The following RUNDC3B variants were observed in gnomAD, a reference collection of about 807,000 sequenced individuals.
RUNDC3B encodes RUN domain-containing protein 3B.
In RUNDC3B, 33 loss-of-function variants were observed where a neutral mutation model predicts 58.4. That is an observed-to-expected ratio of 0.56 (90% confidence interval 0.43 to 0.75). RUNDC3B has a LOEUF of 0.75. Ranked by LOEUF, RUNDC3B falls within the 30% of genes least tolerant of loss-of-function variation. RUNDC3B has a pLI of 0.00. For synonymous variants in RUNDC3B, 193 were observed against 195.2 expected (o/e 0.99, Z 0.10); for missense variants, 501 against 535.7 (o/e 0.94, Z 0.64).
intron 4 of RUNDC3B, among the ~76,000 whole-genome samples, chr7:87,719,156 A>G (rs1248738790): frequency 6.6e-6 from 1 of 151,972 alleles, no homozygotes; most frequent in Admixed American, 6.6e-5. Context: ...AACAATAACT[A>G]TAAAATACTA....
At chr7:87,733,738 CA>C (rs1299016922) in intron 4 of RUNDC3B, among the ~76,000 whole-genome samples, 1 of 152,102 alleles carries the variant, frequency 6.6e-6, no homozygotes, top group Non-Finnish European at 1.5e-5. Flanking sequence ...GTGCAGTTCA[CA>C]GTAGGGTTCT....
chr7:87,628,985 G>A, intron 1 of RUNDC3B, 40 bp downstream of exon 1: 3 of 1,303,284 alleles, frequency 2.3e-6, no homozygotes, highest in Non-Finnish European at 2.9e-6. Context: ...CCTCCCGCCG[G>A]GGCTGAGAGC....
chr7:87,827,943 A>G (rs1200857616), intron 10 of RUNDC3B, among the ~76,000 whole-genome samples: 1 of 152,196 alleles, frequency 6.6e-6, no homozygotes, highest in African/African-American at 2.4e-5. Flanking sequence ...GTTTGAGCCC[A>G]GGAGTTCCTG....
intron 6 of RUNDC3B, among the ~76,000 whole-genome samples, chr7:87,747,716 G>A (rs1202100695): frequency 6.6e-6 from 1 of 152,102 alleles, no homozygotes; most frequent in Non-Finnish European, 1.5e-5. Context: ...GTACCTAGGA[G>A]GATTATGGCT....
intron 9 of RUNDC3B, among the ~76,000 whole-genome samples, chr7:87,809,051 G>A (rs923793717): frequency 2.6e-5 from 4 of 152,094 alleles, no homozygotes; most frequent in African/African-American, 9.7e-5. Flanking sequence ...TATCTATTGA[G>A]GAGCCAGTAA....
chr7:87,816,119 G>C, intron 9 of RUNDC3B, 22 bp from the exon 10 acceptor site: 1 of 1,554,034 alleles, frequency 6.4e-7, no homozygotes, highest in Non-Finnish European at 8.8e-7. Context: ...AATTCAAGTA[G>C]TATTTCATCC....
intron 8 of RUNDC3B, among the ~76,000 whole-genome samples, chr7:87,801,727 C>A (rs1836168149): frequency 1.3e-5 from 2 of 152,118 alleles, no homozygotes; most frequent in African/African-American, 4.8e-5. Flanking sequence ...TGAGATTGTG[C>A]CACTGCACTC....
intron 2 of RUNDC3B, among the ~76,000 whole-genome samples, chr7:87,670,903 C>A (rs1825762706): frequency 6.6e-6 from 1 of 152,188 alleles, no homozygotes; most frequent in Admixed American, 6.5e-5. Context: ...TTTCTCTCCC[C>A]CTTGAATGCT....
chr7:87,667,669 A>G (rs1825400370), intron 2 of RUNDC3B, among the ~76,000 whole-genome samples: 1 of 152,070 alleles, frequency 6.6e-6, no homozygotes, highest in Non-Finnish European at 1.5e-5. Context: ...TTCAATACCT[A>G]GTTCACTGAG....
chr7:87,701,167 G>A (rs1829003989), intron 3 of RUNDC3B, among the ~76,000 whole-genome samples: 1 of 152,188 alleles, frequency 6.6e-6, no homozygotes, highest in Admixed American at 6.5e-5. Context: ...TGAATTGTGA[G>A]CTGAACTAGA....
At position 87,832,161 on chromosome 7, in the gene RUNDC3B, G is replaced by A. The variant is rs1335699891; in HGVS notation, c.*2131G>A. 2 of 151,866 alleles carry A rather than the reference G, an allele frequency of 1.3e-5. No homozygotes were observed. Among genetic ancestry groups the A allele is most frequent in the African/African-American group, 4.8e-5 (2 of 41,390 alleles). 9.4% of individuals were successfully genotyped at this position (151,866 alleles called of 1,614,324 possible). On this transcript the variant is annotated 3_prime_UTR_variant, in exon 11 of 11. Transcript: ENST00000394654. ...ATGTATGTCTCAATCTTTAATTTTAGGTGGTAGTGTTTATTGTTCACCCTC... is the reference window on the plus strand; with the variant it reads ...ATGTATGTCTCAATCTTTAATTTTAAGTGGTAGTGTTTATTGTTCACCCTC...
chr7:87,655,362 A>G (rs1244433237), intron 2 of RUNDC3B, among the ~76,000 whole-genome samples: 1 of 152,174 alleles, frequency 6.6e-6, no homozygotes, highest in Non-Finnish European at 1.5e-5. Flanking sequence ...AAAGTTGCGT[A>G]TATAAACAAT....
chr7:87,650,692 G>A (rs1220395348), intron 1 of RUNDC3B, 130 bp from the exon 2 acceptor site: 1 of 629,918 alleles, frequency 1.6e-6, no homozygotes. Flanking sequence ...GAATAAATGG[G>A]GTTTTTCAGA....
chr7:87,816,435 G>T (rs1054913533), intron 10 of RUNDC3B, among the ~76,000 whole-genome samples, 173 bp downstream of exon 10: 2 of 151,954 alleles, frequency 1.3e-5, no homozygotes, highest in Non-Finnish European at 2.9e-5. Flanking sequence ...TGTGTGTGGG[G>T]GGGGCTAACC....
At chr7:87,710,723 T>A in intron 4 of RUNDC3B, 68 bp downstream of exon 4, 1 of 847,522 alleles carries the variant, frequency 1.2e-6, no homozygotes, top group Non-Finnish European at 1.9e-6. Flanking sequence ...GAAATCAGAA[T>A]AGGATGAAGA....
At chr7:87,827,212 G>A (rs1837862217) in intron 10 of RUNDC3B, among the ~76,000 whole-genome samples, 1 of 152,176 alleles carries the variant, frequency 6.6e-6, no homozygotes, top group African/African-American at 2.4e-5. Context: ...AAGGGGCCAG[G>A]CATGGTGGCT....
chr7:87,652,299 G>A (rs1006428403), intron 2 of RUNDC3B, among the ~76,000 whole-genome samples: 1 of 151,978 alleles, frequency 6.6e-6, no homozygotes, highest in African/African-American at 2.4e-5. Flanking sequence ...AGGCTATGTT[G>A]AGACTCCCAT....
At position 87,628,626 on chromosome 7, in the gene RUNDC3B, G is replaced by T. The variant is rs75452195; in HGVS notation, c.-198G>T. 36 of 345,602 alleles carry T rather than the reference G, an allele frequency of 1.0e-4. No homozygotes were observed. The highest frequency in any genetic ancestry group is 2.3e-4 in the African/African-American group (10 of 43,586). 21.4% of individuals were successfully genotyped at this position (345,602 alleles called of 1,614,324 possible). On this transcript the variant is annotated 5_prime_UTR_variant, in exon 1 of 11. Transcript: ENST00000394654. ...GTGTGTGTGTGTGTGTGTGTGTGTG[G>T]AGCTCGGGTGCCAAGGGCGAGCCGT... is the stretch of plus-strand genomic sequence containing the variant.
intron 2 of RUNDC3B, among the ~76,000 whole-genome samples, chr7:87,698,812 G>A (rs1828745676): frequency 6.6e-6 from 1 of 152,158 alleles, no homozygotes; most frequent in African/African-American, 2.4e-5. Context: ...TAAGCACAGG[G>A]TCCTGTGCCA....
Sources: gnomAD v4.1 joint callset for allele counts (sites outside exome capture counted in the v4.1 genomes callset) on GRCh38, gnomAD v4.1.1 for gene constraint, MANE v1.5 for transcripts, NCBI Gene and HGNC (gene_info 2026-07-23, HGNC 2026-07-21) for gene names.